The following DDX31 variants were observed in gnomAD, a reference collection of about 807,000 sequenced individuals.
The protein encoded by DDX31 is DEAD-box helicase 31.
In DDX31, 70 loss-of-function variants were observed where a neutral mutation model predicts 91.3. That is an observed-to-expected ratio of 0.77 (90% CI 0.63 to 0.94). The LOEUF is 0.94. DDX31 is among the 40% of genes least tolerant of loss of function. The pLI is 0.00. For missense variants in DDX31, 902 were observed against 925.0 expected (o/e 0.98, Z 0.32); for synonymous variants, 362 against 350.6 (o/e 1.03, Z -0.36).
chr9:132,618,390 G>GC lies in DDX31; in HGVS notation c.1764dup (p.Gln589AlafsTer5). ...TGCACGTAATCTTCAAATACCGTCT[G>GC]CAAGACTGTGGCTCGCTCTCGGATT... On this transcript the variant is annotated frameshift_variant, in exon 18 of 20. Transcript: ENST00000372159. LOFTEE classifies it high-confidence loss of function. 6.2e-7 allele frequency: 1 copy of GC among 1,612,226 alleles called. No homozygotes were observed. The highest frequency in any genetic ancestry group is 8.5e-7 in the Non-Finnish European group (1 of 1,179,312).
chr9:132,634,797 C>T (rs900935698), intron 14 of DDX31, among the ~76,000 whole-genome samples: 1 of 151,898 alleles, frequency 6.6e-6, no homozygotes, highest in Non-Finnish European at 1.5e-5. Flanking sequence ...TCTTAAACTC[C>T]TGGGCTCAAG....
chr9:132,665,167 A>T (rs749932599), intron 1 of DDX31, among the ~76,000 whole-genome samples: 12 of 152,094 alleles, frequency 7.9e-5, no homozygotes, highest in Non-Finnish European at 1.5e-4. Context: ...TCCCCTGTAT[A>T]GGCCCCTGTC....
At chr9:132,642,250 G>A (rs774814026) in intron 13 of DDX31, among the ~76,000 whole-genome samples, 187 bp from the exon 14 acceptor site, 8 of 152,150 alleles carry the variant, frequency 5.3e-5, no homozygotes, top group Non-Finnish European at 1.2e-4. Context: ...TTACAGGACC[G>A]GACTTGAGGC....
intron 17 of DDX31, 149 bp from the exon 18 acceptor site, chr9:132,618,590 G>A: frequency 1.7e-6 from 1 of 589,228 alleles, no homozygotes; most frequent in East Asian, 3.2e-5. Context: ...AGGAAAAAAG[G>A]GAGCTATAGA....
intron 11 of DDX31, 62 bp downstream of exon 11, chr9:132,648,127 A>C: frequency 7.2e-7 from 1 of 1,395,084 alleles, no homozygotes; most frequent in Non-Finnish European, 9.9e-7. Flanking sequence ...AACCCAGGTT[A>C]AATCTAGGTC....
chr9:132,651,224 T>A, intron 7 of DDX31, 108 bp from the exon 8 acceptor site: 3 of 937,844 alleles, frequency 3.2e-6, no homozygotes, highest in Middle Eastern at 3.0e-4. Flanking sequence ...AGTTAAGATT[T>A]AAGAAGAAAA....
chr9:132,661,338 AGAACATT>A, intron 3 of DDX31, 87 bp from the exon 4 acceptor site: 1 of 1,156,296 alleles, frequency 8.6e-7, no homozygotes, highest in Non-Finnish European at 1.3e-6. Flanking sequence ...AACTATTGAG[AGAACATT>A]GACTACTATG....
In DDX31 at chr9:132,594,855, C is replaced by G. The variant is rs1413314775; in HGVS notation, c.*11G>C. The G allele has an allele frequency of 3.1e-6, 5 of 1,611,378 alleles. No individual in the cohort carries two copies. In the Admixed American group the frequency reaches 8.3e-5, roughly 27 times the overall value. On this transcript the variant is annotated 3_prime_UTR_variant, in exon 20 of 20. Transcript: ENST00000372159. Reference sequence around the variant, plus strand: ...GGGCTTCCAGGTTCCACTCGAAGACCCAGAGAGATTTTAAACTTTCTGGGA... The same window carrying G: ...GGGCTTCCAGGTTCCACTCGAAGACGCAGAGAGATTTTAAACTTTCTGGGA...
intron 17 of DDX31, among the ~76,000 whole-genome samples, chr9:132,619,997 TTTC>T (rs1485826379): frequency 6.6e-6 from 1 of 152,136 alleles, no homozygotes; most frequent in Admixed American, 6.5e-5. Context: ...TTTTCCTCTT[TTTC>T]TTGTGTTTTA....
chr9:132,664,242 A>C (rs1472030519), intron 1 of DDX31, among the ~76,000 whole-genome samples: 1 of 152,218 alleles, frequency 6.6e-6, no homozygotes, highest in East Asian at 1.9e-4. Context: ...ATTCCTTCAT[A>C]TATCACATAA....
chr9:132,652,498 G>C lies in DDX31; in HGVS notation c.589-6C>G. On this transcript the variant is annotated splice_polypyrimidine_tract_variant and splice_region_variant and intron_variant, in intron 6 of 19. Coordinates refer to ENST00000372159, the MANE Select transcript of DDX31 (RefSeq NM_022779.9). ...GCATAGGGGCCATCACTGCGCTGTT[G>C]ACACACAGAAAAAAAATGCCATGAG... 6.2e-7 allele frequency: 1 copy of C among 1,613,980 alleles called. No individual in the cohort carries two copies. The highest frequency in any genetic ancestry group is 8.5e-7 in the Non-Finnish European group (1 of 1,179,972).
intron 8 of DDX31, 72 bp downstream of exon 8, chr9:132,651,003 T>C (rs1834148045): frequency 7.6e-7 from 1 of 1,323,582 alleles, no homozygotes; most frequent in Non-Finnish European, 1.1e-6. Context: ...AAATAAAGAA[T>C]AGACTGTAGT....
intron 14 of DDX31, chr9:132,638,458 AACTTCCAATG>A: frequency 6.5e-7 from 1 of 1,548,550 alleles, no homozygotes; most frequent in Non-Finnish European, 8.9e-7. Flanking sequence ...GTGGGCTTTG[AACTTCCAATG>A]ACTCCTTCTT....
At chr9:132,602,160 C>T (rs1282080079) in intron 19 of DDX31, among the ~76,000 whole-genome samples, 1 of 152,236 alleles carries the variant, frequency 6.6e-6, no homozygotes, top group African/African-American at 2.4e-5. Flanking sequence ...GTAGTGAATT[C>T]TGGCTCATTC....
At chr9:132,604,880 C>A (rs1482299310) in intron 19 of DDX31, among the ~76,000 whole-genome samples, 1 of 152,186 alleles carries the variant, frequency 6.6e-6, no homozygotes, top group Non-Finnish European at 1.5e-5. Context: ...CACTCCTGAG[C>A]CTGCTCATTT....
chr9:132,596,586 A>T (rs1830447205), intron 19 of DDX31, among the ~76,000 whole-genome samples: 1 of 152,242 alleles, frequency 6.6e-6, no homozygotes, highest in Non-Finnish European at 1.5e-5. Flanking sequence ...TCCTCGCTCA[A>T]CAAGGTGGGT....
At chr9:132,602,874 G>A (rs1261025815) in intron 19 of DDX31, among the ~76,000 whole-genome samples, 1 of 152,202 alleles carries the variant, frequency 6.6e-6, no homozygotes, top group Non-Finnish European at 1.5e-5. Context: ...GGTTACACGA[G>A]TAGTTATCTC....
intron 19 of DDX31, among the ~76,000 whole-genome samples, chr9:132,597,555 C>T (rs946848188): frequency 1.3e-5 from 2 of 152,230 alleles, no homozygotes; most frequent in Non-Finnish European, 2.9e-5. Context: ...AGCACTTCAA[C>T]GATGGCTCCT....
At chr9:132,630,632 C>T (rs1490450340) in intron 15 of DDX31, among the ~76,000 whole-genome samples, 4 of 152,202 alleles carry the variant, frequency 2.6e-5, no homozygotes, top group South Asian at 4.1e-4. Flanking sequence ...TTCCGATAAA[C>T]GAGACGTCTT....
Sources: allele counts gnomAD v4.1 joint callset (sites outside exome capture counted in the v4.1 genomes callset), GRCh38; gene constraint gnomAD v4.1.1; transcripts MANE v1.5; gene names NCBI Gene and HGNC (gene_info 2026-07-23, HGNC 2026-07-21).